Variants in UBE3A observed in about 807,000 individuals in gnomAD.
UBE3A encodes the protein ubiquitin protein ligase E3A, also known as ubiquitin-protein ligase E3A.
UBE3A carries 6 observed loss-of-function variants against 83.4 expected under a neutral mutation model. That is an observed-to-expected ratio of 0.07 (90% CI 0.04 to 0.14). The LOEUF (loss-of-function observed/expected upper bound fraction) is 0.14, where lower values mean the gene tolerates loss of function less well. Ranked by LOEUF, UBE3A falls within the 10% of genes least tolerant of loss-of-function variation. UBE3A has a pLI of 1.00. For synonymous variants in UBE3A, 337 were observed against 355.4 expected (o/e 0.95, Z 0.58); for missense variants, 456 against 1,036.1 (o/e 0.44, Z 7.69).
rs575932275 is a variant in UBE3A at position 25,356,317 on chromosome 15, T to C, written c.1960-261A>G. Among the ~76,000 whole-genome samples, 3 of 150,380 alleles carry C rather than the reference T, an allele frequency of 2.0e-5. No homozygotes were observed. In the Admixed American group the frequency reaches 2.0e-4, roughly 10 times the overall value. The stretch of plus-strand genomic sequence containing the variant: ...TCACACTGTGCTCTATGAGAAATTC[T>C]GTGGTGTCTCAAGGTGGGGGTGGGG... On this transcript the variant is annotated intron_variant, in intron 8 of 12. Coordinates refer to ENST00000648336, the MANE Select transcript of UBE3A (RefSeq NM_130839.5).
chr15:25,423,722 C>T (rs1890493478), intron 1 of UBE3A, among the ~76,000 whole-genome samples: 1 of 152,088 alleles, frequency 6.6e-6, no homozygotes, highest in South Asian at 2.1e-4. Flanking sequence ...GGTAAAATTA[C>T]CTGTAGTTAA....
intron 11 of UBE3A, among the ~76,000 whole-genome samples, chr15:25,352,560 C>T (rs1251355295): frequency 1.3e-5 from 2 of 152,182 alleles, no homozygotes; most frequent in Non-Finnish European, 2.9e-5. Flanking sequence ...ATGAAGTGAG[C>T]ACATTTTGTT....
chr15:25,340,022 T>C (rs958521915), intron 12 of UBE3A, 63 bp downstream of exon 12: 4 of 1,593,704 alleles, frequency 2.5e-6, no homozygotes, highest in South Asian at 1.1e-5. Context: ...ACAGTTCATA[T>C]GTATGTGACG....
chr15:25,345,178 A>G (rs1233136244), intron 11 of UBE3A, among the ~76,000 whole-genome samples: 1 of 152,128 alleles, frequency 6.6e-6, no homozygotes, highest in Non-Finnish European at 1.5e-5. Flanking sequence ...CTGCCAACCC[A>G]CTGGAAAGCA....
intron 4 of UBE3A, among the ~76,000 whole-genome samples, chr15:25,378,432 G>A (rs2081589279): frequency 6.6e-6 from 1 of 152,144 alleles, no homozygotes; most frequent in African/African-American, 2.4e-5. Flanking sequence ...GTTATTTTAT[G>A]TAATAGGGAG....
At chr15:25,426,477 T>A (rs1224097526) in intron 1 of UBE3A, among the ~76,000 whole-genome samples, 1 of 152,220 alleles carries the variant, frequency 6.6e-6, no homozygotes, top group East Asian at 1.9e-4. Flanking sequence ...ACAAAAGACT[T>A]ATAATGCAAT....
chr15:25,404,996 AC>A (rs2088126771), intron 4 of UBE3A, among the ~76,000 whole-genome samples: 2 of 152,176 alleles, frequency 1.3e-5, no homozygotes, highest in African/African-American at 2.4e-5. Context: ...CCTTCATGTT[AC>A]TATTGTATTT....
intron 4 of UBE3A, among the ~76,000 whole-genome samples, chr15:25,380,310 T>C (rs985378675): frequency 2.0e-5 from 3 of 152,114 alleles, no homozygotes; most frequent in African/African-American, 7.2e-5. Context: ...ATATACTATA[T>C]AGTTTATGGC....
chr15:25,413,087 T>C, intron 1 of UBE3A: 1 of 421,208 alleles, frequency 2.4e-6, no homozygotes, highest in Non-Finnish European at 4.6e-6. Context: ...GGAGGAAATA[T>C]ACCAAATCTA....
intron 4 of UBE3A, among the ~76,000 whole-genome samples, chr15:25,396,270 T>C (rs1384279560): frequency 6.6e-6 from 1 of 151,786 alleles, no homozygotes; most frequent in Admixed American, 6.6e-5. Flanking sequence ...TCTAAATTAA[T>C]ACATACAAAG....
intron 6 of UBE3A, among the ~76,000 whole-genome samples, chr15:25,361,333 C>T (rs1402620062): frequency 6.6e-6 from 1 of 152,006 alleles, no homozygotes; most frequent in Non-Finnish European, 1.5e-5. Context: ...ACTACGTTTG[C>T]CAGGATGGTC....
chr15:25,397,428 G>C (rs889629200), intron 4 of UBE3A, among the ~76,000 whole-genome samples: 1 of 152,016 alleles, frequency 6.6e-6, no homozygotes, highest in African/African-American at 2.4e-5. Context: ...TTCTAAACTT[G>C]ACTCATCCTC....
In UBE3A at chr15:25,339,081, A is replaced by T. The variant is rs2074270487; in HGVS notation, c.*56T>A. 1.4e-6 allele frequency: 2 copies of T among 1,475,050 alleles called. No homozygotes were observed. Among genetic ancestry groups the T allele is most frequent in the East Asian group, 2.5e-5 (1 of 39,898 alleles). The allele number at this position is 1,475,050 out of a possible 1,614,324, so 91.4% of individuals were successfully genotyped here. On this transcript the variant is annotated 3_prime_UTR_variant, in exon 13 of 13. Transcript: ENST00000648336. ...CCTCGTTATATTTTTAAAATTTTTT[A>T]AATTTTTTCTTTTTTTTTCCTTCCT...
chr15:25,377,739 A>G (rs550926597), intron 4 of UBE3A, among the ~76,000 whole-genome samples: 1 of 152,326 alleles, frequency 6.6e-6, no homozygotes, highest in East Asian at 1.9e-4. Context: ...ACAATTTTAC[A>G]AAAATGCATT....
chr15:25,339,882 A>G (rs2074436941), intron 12 of UBE3A: 3 of 627,228 alleles, frequency 4.8e-6, no homozygotes, highest in Admixed American at 5.8e-5. Context: ...TGTGAGCCCC[A>G]TAATAATTTT....
chr15:25,354,739 CAA>C (rs1368541203), intron 9 of UBE3A, 56 bp from the exon 10 acceptor site: 1 of 1,504,392 alleles, frequency 6.6e-7, no homozygotes, highest in African/African-American at 1.4e-5. Flanking sequence ...AAACAAAACA[CAA>C]GTTATTGGGC....
intron 1 of UBE3A, among the ~76,000 whole-genome samples, chr15:25,436,149 G>C (rs957335277): frequency 1.3e-5 from 2 of 152,202 alleles, no homozygotes; most frequent in African/African-American, 4.8e-5. Flanking sequence ...ACATTTGGCA[G>C]TGAGGGGAAA....
intron 11 of UBE3A, among the ~76,000 whole-genome samples, chr15:25,350,589 A>ACTC (rs1261055189): frequency 6.6e-6 from 1 of 151,912 alleles, no homozygotes; most frequent in African/African-American, 2.4e-5. Context: ...TGCTTTGGAA[A>ACTC]CTCCACTCCT....
At chr15:25,344,289 C>T (rs145607839) in intron 11 of UBE3A, among the ~76,000 whole-genome samples, 13 of 152,262 alleles carry the variant, frequency 8.5e-5, no homozygotes, top group African/African-American at 3.1e-4. Context: ...AAATGGAAAA[C>T]ACCTCTGCAA....
Sources: allele counts gnomAD v4.1 joint callset (sites outside exome capture counted in the v4.1 genomes callset), GRCh38; gene constraint gnomAD v4.1.1; transcripts MANE v1.5; gene names NCBI Gene and HGNC (gene_info 2026-07-23, HGNC 2026-07-21).